The following TRPV1 variants were observed in gnomAD, a reference collection of about 807,000 sequenced individuals.
TRPV1 encodes the protein transient receptor potential cation channel subfamily V member 1.
TRPV1 carries 82 observed loss-of-function variants against 82.3 expected under a neutral mutation model. The ratio of observed to expected loss-of-function variants is 1.00; its 90% confidence interval spans 0.83 to 1.20. The LOEUF (loss-of-function observed/expected upper bound fraction) is 1.20. Among genes scored for constraint, TRPV1 ranks in the 50% most tolerant of loss-of-function variants. TRPV1 has a pLI of 0.00. For missense variants in TRPV1, 1,067 were observed against 1,096.8 expected (o/e 0.97, Z 0.38); for synonymous variants, 515 against 467.7 (o/e 1.10, Z -1.30).
intron 8 of TRPV1, among the ~76,000 whole-genome samples, chr17:3,587,309 G>A (rs1183405671): frequency 6.6e-6 from 1 of 152,148 alleles, no homozygotes; most frequent in Non-Finnish European, 1.5e-5. Context: ...CGCAACCTCT[G>A]ACCTGTGAGA....
intron 2 of TRPV1, among the ~76,000 whole-genome samples, chr17:3,601,172 G>A (rs143563349): frequency 1.4e-3 from 207 of 151,956 alleles, no homozygotes; most frequent in African/African-American, 4.7e-3. Context: ...TCTCCTTCTC[G>A]GCCCTCCCTG....
chr17:3,566,819 T>G lies in TRPV1; in HGVS notation c.2516A>C (p.Lys839Thr), dbSNP rs1215019055. The G allele has an allele frequency of 6.2e-7, 1 of 1,613,674 alleles. No homozygotes were observed. The highest frequency in any genetic ancestry group is 1.1e-5 in the South Asian group (1 of 91,058). The change falls in exon 17 of 17, where the codon AAG (lysine) becomes ACG (threonine). Residue 839 changes from lysine to threonine, a missense_variant. Transcript: ENST00000572705. The part of the protein sequence containing the change: ...VFKSPAASGE[K>T] ...AGTGCTGTCTGCGTGACGTCCTCACTTCTCCCCGGAAGCGGCAGGACTCTT... is the reference window on the plus strand; with the variant it reads ...AGTGCTGTCTGCGTGACGTCCTCACGTCTCCCCGGAAGCGGCAGGACTCTT...
rs1182330988 is a variant in TRPV1 at position 3,591,316 on chromosome 17, T to C, written c.322A>G (p.Lys108Glu). 6.2e-7 allele frequency: 1 copy of C among 1,602,146 alleles called. No individual in the cohort carries two copies. ...CTGCGATCATAGAGCCTGAGGGTCT[T>C]CTCGGTGCTGGCGGCGACAGAGTCC... ...SQDSVAASTEKTLRLYDRRSI... is the reference protein window; with the variant it reads ...SQDSVAASTEETLRLYDRRSI... The change falls in exon 4 of 17, where the codon AAG becomes GAG. Residue 108 changes from lysine (K) to glutamate (E), a missense_variant. Lys to Glu is a moderately conservative substitution (Grantham distance 56). Coordinates refer to ENST00000572705, the MANE Select transcript of TRPV1 (RefSeq NM_080704.4).
At chr17:3,607,538 A>AT (rs71379522) in intron 2 of TRPV1, among the ~76,000 whole-genome samples, 138 of 140,892 alleles carry the variant, frequency 9.8e-4, no homozygotes, top group Middle Eastern at 3.6e-3. Flanking sequence ...AAGTAGAACA[A>AT]TTTTTTTTTT....
rs1402069327 is a variant in TRPV1, at chr17:3,590,356, T to G, written c.641A>C (p.Asn214Thr). 2 of 1,613,998 alleles carry G rather than the reference T, an allele frequency of 1.2e-6. No individual in the cohort carries two copies. The highest frequency in any genetic ancestry group is 1.7e-6 in the Non-Finnish European group (2 of 1,179,890). The stretch of plus-strand genomic sequence containing the variant: ...CACCAGGAGGGTCACCAGGGCCATG[T>G]TGCGTCTCTCGATGGCGATGTGCAG... ...TALHIAIERR[N>T]MALVTLLVEN... The change falls in exon 6 of 17, where the codon AAC becomes ACC. Residue 214 changes from asparagine to threonine, a missense_variant. Transcript: ENST00000572705.
chr17:3,571,422 G>T (rs376447720), intron 16 of TRPV1, 102 bp downstream of exon 16: 6 of 905,632 alleles, frequency 6.6e-6, no homozygotes, highest in African/African-American at 6.6e-5. Flanking sequence ...GGTCCTGGGG[G>T]GATGAGGAAC....
intron 2 of TRPV1, among the ~76,000 whole-genome samples, chr17:3,598,553 C>T (rs959954046): frequency 1.2e-4 from 18 of 148,944 alleles, no homozygotes; most frequent in African/African-American, 4.0e-4. Context: ...CCATACCCCT[C>T]GCTTAGTCAC....
chr17:3,592,235 T>C lies in TRPV1; in HGVS notation c.116A>G (p.Gln39Arg), dbSNP rs201266663. The change falls in exon 3 of 17, where the codon CAG becomes CGG. Residue 39 changes from glutamine (Q) to arginine (R), a missense_variant. Gln to Arg is a conservative substitution (Grantham distance 43). Transcript: ENST00000572705. ...GGTGCGGCTCTTGGCCGTGGAGAGC[T>C]GGGGCTTGGCTGGAGGTGGCCTGGA... The part of the protein sequence containing the change: ...PNSRPPPAKP[Q>R]LSTAKSRTRL... 45 of 1,611,332 alleles carry C rather than the reference T, an allele frequency of 2.8e-5. No individual in the cohort carries two copies. The East Asian group carries it at 9.8e-4, about 35-fold the overall frequency.
chr17:3,587,902 T>C (rs370122515), intron 8 of TRPV1, among the ~76,000 whole-genome samples: 10 of 152,166 alleles, frequency 6.6e-5, no homozygotes, highest in East Asian at 3.8e-4. Context: ...ATCTCATTTA[T>C]GTAAACAAAA....
chr17:3,576,870 AGTT>A (rs947548019), intron 13 of TRPV1, among the ~76,000 whole-genome samples: 48 of 148,752 alleles, frequency 3.2e-4, no homozygotes, highest in Non-Finnish European at 6.3e-4. Context: ...AAAAAAAAAA[AGTT>A]GAAAAAACAA....
chr17:3,573,626 C>G lies in TRPV1; in HGVS notation c.2103+7G>C. On this transcript the variant is annotated splice_region_variant and intron_variant, in intron 14 of 16. Coordinates refer to ENST00000572705, the MANE Select transcript of TRPV1 (RefSeq NM_080704.4). Reference sequence around the variant, plus strand: ...CCACTCACCACCCCCCAACTCCACCCACCCACCTGCAGCTTCCAGATGTTC... The same window carrying G: ...CCACTCACCACCCCCCAACTCCACCGACCCACCTGCAGCTTCCAGATGTTC... 6.2e-7 allele frequency: 1 copy of G among 1,609,434 alleles called. No individual in the cohort carries two copies. Among genetic ancestry groups the G allele is most frequent in the Non-Finnish European group, 8.5e-7 (1 of 1,178,028 alleles).
chr17:3,576,848 CAAAAAAAAAAAA>C (rs989451980), intron 13 of TRPV1, among the ~76,000 whole-genome samples: 1 of 39,076 alleles, frequency 2.6e-5, no homozygotes, highest in African/African-American at 8.6e-5. Context: ...GACTCCATCT[CAAAAAAAAAAAA>C]AAAAAAAAAA....
rs1408837118 is a variant in TRPV1 at position 3,609,390 on chromosome 17, C to T, written c.-254G>A. The T allele has an allele frequency of 1.3e-5, 2 of 151,602 alleles. No individual in the cohort carries two copies. Among genetic ancestry groups the T allele is most frequent in the Non-Finnish European group, 2.9e-5 (2 of 67,966 alleles). The allele number at this position is 151,602 out of a possible 1,614,324, so 9.4% of individuals were successfully genotyped here. A position where few individuals can be genotyped will look rare whatever the true frequency, so the allele number is the denominator to read the frequency against. On this transcript the variant is annotated 5_prime_UTR_variant, in exon 1 of 17. Transcript: ENST00000572705. ...CAAACTCGTGGTTGCCAGCGTGACT[C>T]TGGGCCAGGCCTGCCTGAGCCTGGG...
intron 2 of TRPV1, among the ~76,000 whole-genome samples, chr17:3,598,886 CTA>C (rs1207986415): frequency 4.0e-5 from 6 of 150,538 alleles, no homozygotes; most frequent in African/African-American, 1.5e-4. Flanking sequence ...CCTGTTTATG[CTA>C]TGTGTGTCAT....
chr17:3,583,676 A>G (rs2075048823), intron 9 of TRPV1, among the ~76,000 whole-genome samples: 1 of 152,194 alleles, frequency 6.6e-6, no homozygotes, highest in African/African-American at 2.4e-5. Context: ...CCTCCCAAGC[A>G]ATGTCCCGGC....
intron 2 of TRPV1, among the ~76,000 whole-genome samples, chr17:3,598,491 G>A (rs1220964727): frequency 2.6e-5 from 4 of 151,388 alleles, no homozygotes; most frequent in African/African-American, 9.7e-5. Context: ...TGCCCAGGCC[G>A]CACGTTGGTC....
chr17:3,602,908 G>A (rs1198607676), intron 2 of TRPV1, among the ~76,000 whole-genome samples: 2 of 152,190 alleles, frequency 1.3e-5, no homozygotes, highest in African/African-American at 4.8e-5. Context: ...GATCGCCTGA[G>A]GTCGGGAGTT....
At chr17:3,606,769 G>A (rs943840507) in intron 2 of TRPV1, among the ~76,000 whole-genome samples, 2 of 152,176 alleles carry the variant, frequency 1.3e-5, no homozygotes, top group African/African-American at 4.8e-5. Context: ...CAGAGGCAGA[G>A]TGAATGCATA....
intron 1 of TRPV1, 100 bp downstream of exon 1, chr17:3,609,209 A>G (rs545534358): frequency 6.6e-6 from 1 of 152,252 alleles, no homozygotes; most frequent in East Asian, 1.9e-4. Flanking sequence ...AGTATCTGAC[A>G]TTTGGCCAGA....
Sources: gnomAD v4.1 joint callset for allele counts (sites outside exome capture counted in the v4.1 genomes callset) on GRCh38, gnomAD v4.1.1 for gene constraint, MANE v1.5 for transcripts, NCBI Gene and HGNC (gene_info 2026-07-23, HGNC 2026-07-21) for gene names.